The following SRGAP3 variants were observed in gnomAD, a reference collection of about 807,000 sequenced individuals.
SRGAP3 encodes SLIT-ROBO Rho GTPase-activating protein 3.
A neutral mutation model predicts 121.1 loss-of-function variants in SRGAP3; 39 were observed. That is an observed-to-expected ratio of 0.32 (90% confidence interval 0.25 to 0.42). SRGAP3 has a LOEUF of 0.42. SRGAP3 is among the 10% of genes least tolerant of loss of function. SRGAP3 has a pLI of 1.00. For missense variants in SRGAP3, 1,213 were observed against 1,470.6 expected (o/e 0.82, Z 2.86); for synonymous variants, 601 against 570.0 (o/e 1.05, Z -0.77).
chr3:9,346,051 A>G (rs1955885133), intron 1 of SRGAP3, among the ~76,000 whole-genome samples: 2 of 152,194 alleles, frequency 1.3e-5, no homozygotes, highest in Admixed American at 1.3e-4. Flanking sequence ...ACTGTAATTA[A>G]AATTTTATAT....
At position 8,981,611 on chromosome 3, in the gene SRGAP3, G is replaced by A. The variant is rs1319623016; in HGVS notation, c.*3908C>T. On this transcript the variant is annotated 3_prime_UTR_variant, in exon 22 of 22. Coordinates refer to ENST00000383836, the MANE Select transcript of SRGAP3 (RefSeq NM_014850.4). ...AATGACAGAGAAATATACCCAACAA[G>A]GCACTCCAAGGGACTCCAACAGAGA... 2 of 232,776 alleles carry A rather than the reference G, an allele frequency of 8.6e-6. No homozygotes were observed. The highest frequency in any genetic ancestry group is 1.7e-5 in the Non-Finnish European group (2 of 117,464). 14.4% of individuals were successfully genotyped at this position (232,776 alleles called of 1,614,324 possible).
chr3:9,175,185 C>T lies in SRGAP3; in HGVS notation c.68-50268G>A, dbSNP rs569310866. Among the ~76,000 whole-genome samples, 6 of 152,194 alleles carry T rather than the reference C, an allele frequency of 3.9e-5. No individual in the cohort carries two copies. In the East Asian group the frequency reaches 5.8e-4, roughly 15 times the overall value. ...CTTAAATCCCAAGCCAAAATAATTCCGTTAATTAAAAAAAGAAAGAAAGAA... is the reference window on the plus strand; with the variant it reads ...CTTAAATCCCAAGCCAAAATAATTCTGTTAATTAAAAAAAGAAAGAAAGAA... On this transcript the variant is annotated intron_variant, in intron 1 of 21. Transcript: ENST00000383836.
In SRGAP3 at chr3:9,064,555, A is replaced by G; in HGVS notation, c.513T>C (p.His171=). The part of the protein sequence containing the change: ...YTVMKTYHMY[H]AESISAESKL... ...TGCTTTCCGCACTGATGCTCTCTGC[A>G]TGGTACATGTGGTAGGTTTTCATGA... The change falls in exon 5 of 22, where the codon CAT becomes CAC. Residue 171 remains histidine (H), a synonymous_variant. Coordinates refer to ENST00000383836, the MANE Select transcript of SRGAP3 (RefSeq NM_014850.4). The G allele has an allele frequency of 6.2e-7, 1 of 1,614,006 alleles. No homozygotes were observed. The highest frequency in any genetic ancestry group is 1.1e-5 in the South Asian group (1 of 91,066).
At chr3:8,994,657 G>A in intron 18 of SRGAP3, 134 bp from the exon 19 acceptor site, 2 of 1,178,414 alleles carry the variant, frequency 1.7e-6, no homozygotes, top group Non-Finnish European at 2.4e-6. Context: ...AGAACGCCTG[G>A]TGGGCTGGGG....
At chr3:9,017,109 C>T (rs188057927) in intron 14 of SRGAP3, among the ~76,000 whole-genome samples, 162 of 152,152 alleles carry the variant, frequency 1.1e-3, no homozygotes, top group African/African-American at 3.8e-3. Flanking sequence ...GCTCTGTTTG[C>T]TTTTTGTAGG....
chr3:9,249,390 GCA>G lies in SRGAP3; in HGVS notation c.-441_-440del. The G allele has an allele frequency of 3.4e-6, 1 of 292,620 alleles. No individual in the cohort carries two copies. The highest frequency in any genetic ancestry group is 6.9e-5 in the South Asian group (1 of 14,450). The allele number at this position is 292,620 out of a possible 1,614,324, so 18.1% of individuals were successfully genotyped here. ...GGCATACACACACACACCCTCACAC[GCA>G]CACACACTCGCTGGATCACTCACAC... On this transcript the variant is annotated 5_prime_UTR_variant, in exon 1 of 22. It introduces an in-frame stop codon into an upstream open reading frame of the 5' UTR. Coordinates refer to ENST00000383836, the MANE Select transcript of SRGAP3 (RefSeq NM_014850.4).
chr3:9,291,833 CA>C (rs34865789), intron 3 of SRGAP3, among the ~76,000 whole-genome samples: 4 of 150,866 alleles, frequency 2.7e-5, no homozygotes, highest in Non-Finnish European at 4.4e-5. Context: ...TTTCACTTGC[CA>C]AAAAAAAGAA....
At chr3:9,347,479 G>C (rs1391703911) in intron 1 of SRGAP3, among the ~76,000 whole-genome samples, 5 of 152,220 alleles carry the variant, frequency 3.3e-5, no homozygotes, top group Non-Finnish European at 7.3e-5. Context: ...TACGAGGTCT[G>C]AGCTACCGAT....
At chr3:9,302,958 TCAC>T (rs1437932820) in intron 3 of SRGAP3, among the ~76,000 whole-genome samples, 4 of 51,314 alleles carry the variant, frequency 7.8e-5, no homozygotes, top group Non-Finnish European at 1.3e-4. Context: ...CCACCTTTTG[TCAC>T]CACTTTTGAA....
At chr3:9,348,819 A>C (rs1301691182) in intron 1 of SRGAP3, 1 of 1,361,062 alleles carries the variant, frequency 7.3e-7, no homozygotes, top group Non-Finnish European at 1.0e-6. Flanking sequence ...CCTCTAATGG[A>C]GCCCGACCAT....
chr3:9,003,015 T>A (rs184643155), intron 18 of SRGAP3, among the ~76,000 whole-genome samples: 17 of 152,226 alleles, frequency 1.1e-4, no homozygotes, highest in African/African-American at 4.1e-4. Context: ...TAAAAAAGAA[T>A]TAGTAATAAT....
intron 3 of SRGAP3, among the ~76,000 whole-genome samples, chr3:9,258,603 T>C (rs1330729717): frequency 2.0e-5 from 3 of 152,194 alleles, no homozygotes; most frequent in East Asian, 3.8e-4. Context: ...GACAAGATGA[T>C]GCCACGTACC....
At chr3:9,046,903 T>G (rs1208150088) in intron 10 of SRGAP3, among the ~76,000 whole-genome samples, 1 of 151,914 alleles carries the variant, frequency 6.6e-6, no homozygotes, top group African/African-American at 2.4e-5. Context: ...TGATCTCGGC[T>G]CACTGCAAGC....
Position 8,994,451 on chromosome 3 carries a change from T to C in SRGAP3, c.2300A>G (p.Lys767Arg). The change falls in exon 19 of 22, where the codon AAG becomes AGG. Residue 767 changes from lysine to arginine, a missense_variant. Physicochemically the swap from Lys to Arg is conservative, Grantham distance 26 (BLOSUM62 2). Transcript: ENST00000383836. ...GRSPRELSFKKGASLLLYHRA... is the reference protein window; with the variant it reads ...GRSPRELSFKRGASLLLYHRA... ...GTGGTACAGGAGCAGCGAGGCCCCC[T>C]TCTTGAAGGATAGCTCACGCGGGGA... 1 of 1,614,234 alleles carries C rather than the reference T, an allele frequency of 6.2e-7. No individual in the cohort carries two copies. The highest frequency in any genetic ancestry group is 8.5e-7 in the Non-Finnish European group (1 of 1,180,046).
chr3:9,058,142 C>CAGGCGTCGGAT, intron 7 of SRGAP3, 109 bp downstream of exon 7: 1 of 1,206,738 alleles, frequency 8.3e-7, no homozygotes. Flanking sequence ...AGCTTGACCC[C>CAGGCGTCGGAT]AGGCGTCGGA....
chr3:9,280,190 G>C lies in SRGAP3; in HGVS notation n.442+45820C>G, dbSNP rs118046202. ...CATAAAGACCAGTCTGACTCATGGC[G>C]ACCAAGCAAAGGGGACTATTTCTAG... On this transcript the variant is annotated intron_variant and non_coding_transcript_variant, in intron 3 of 3. Coordinates refer to the SRGAP3 transcript ENST00000490889. Among the ~76,000 whole-genome samples the C allele has an allele frequency of 2.6e-3, 391 of 152,296 alleles. 12 individuals are homozygous for C. In the South Asian group the frequency reaches 0.042, roughly 16 times the overall value.
At chr3:9,028,323 T>C (rs1015249187) in intron 12 of SRGAP3, among the ~76,000 whole-genome samples, 8 of 152,194 alleles carry the variant, frequency 5.3e-5, no homozygotes, top group Non-Finnish European at 7.3e-5. Flanking sequence ...GGAAGCTTCA[T>C]GGGACTTCTG....
At chr3:9,276,750 G>C (rs1046618642) in intron 3 of SRGAP3, among the ~76,000 whole-genome samples, 66 of 152,308 alleles carry the variant, frequency 4.3e-4, no homozygotes, top group Admixed American at 3.7e-3. Context: ...TTACCTCCCT[G>C]ATTGGGCTTC....
chr3:9,175,082 G>A (rs1145147), intron 1 of SRGAP3, among the ~76,000 whole-genome samples: 28,248 of 152,108 alleles, frequency 0.19, 3,283 homozygotes, highest in Admixed American at 0.26. Flanking sequence ...AGGAACACAG[G>A]CCCTGTCAGC....
Sources: allele counts gnomAD v4.1 joint callset (sites outside exome capture counted in the v4.1 genomes callset), GRCh38; gene constraint gnomAD v4.1.1; transcripts MANE v1.5; gene names NCBI Gene and HGNC (gene_info 2026-07-23, HGNC 2026-07-21).